Variants in BPTF observed in about 807,000 individuals in gnomAD.
The protein encoded by BPTF is nucleosome-remodeling factor subunit BPTF.
In BPTF, 18 loss-of-function variants were observed where a neutral mutation model predicts 292.5. That is an observed-to-expected ratio of 0.06 (90% CI 0.04 to 0.09). BPTF has a LOEUF of 0.09. Ranked by LOEUF, BPTF falls within the 10% of genes least tolerant of loss-of-function variation. The pLI is 1.00. For synonymous variants in BPTF, 1,225 were observed against 1,251.9 expected (o/e 0.98, Z 0.45); for missense variants, 2,726 against 3,498.7 (o/e 0.78, Z 5.57).
chr17:67,917,131 C>CTTTTCCTTTCTTTTTTTTTT lies in BPTF; in HGVS notation c.5304-1579_5304-1578insCCTTTCTTTTTTTTTTTTTT, dbSNP rs1194058584. On this transcript the variant is annotated intron_variant, in intron 11 of 27. Transcript: ENST00000306378. The stretch of plus-strand genomic sequence containing the variant: ...GATAAGTAACTAATATGGTATTGTC[C>CTTTTCCTTTCTTTTTTTTTT]TTTTTTTTTTTTTTTTTTTGAGATA... Among the ~76,000 whole-genome samples the CTTTTCCTTTCTTTTTTTTTT allele has an allele frequency of 1.1e-4, 12 of 105,802 alleles. 1 individual carries two copies. The highest frequency in any genetic ancestry group is 4.3e-4 in the African/African-American group (12 of 27,608). The allele number at this position is 105,802 out of a possible 152,430, so 69.4% of individuals were successfully genotyped here. A position where few individuals can be genotyped will look rare whatever the true frequency, so the allele number is the denominator to read the frequency against.
chr17:67,897,341 CAAAAAAAAAAAAAA>C (rs750678904), intron 7 of BPTF, among the ~76,000 whole-genome samples: 20 of 17,768 alleles, frequency 1.1e-3, no homozygotes, highest in African/African-American at 1.8e-3. Context: ...AACTCTGTCT[CAAAAAAAAAAAAAA>C]AAAAAAAAAA....
At chr17:67,855,636 C>G (rs963649024) in intron 2 of BPTF, among the ~76,000 whole-genome samples, 5 of 152,154 alleles carry the variant, frequency 3.3e-5, no homozygotes, top group Non-Finnish European at 5.9e-5. Flanking sequence ...GAGACAGTCT[C>G]AGGGTTTACC....
chr17:67,973,446 G>A (rs951257034), intron 26 of BPTF, among the ~76,000 whole-genome samples: 5 of 151,908 alleles, frequency 3.3e-5, no homozygotes, highest in African/African-American at 4.8e-5. Flanking sequence ...AATTATCTTG[G>A]CATATAATGA....
intron 18 of BPTF, among the ~76,000 whole-genome samples, chr17:67,938,796 G>T (rs942176924): frequency 6.6e-6 from 1 of 152,128 alleles, no homozygotes; most frequent in Admixed American, 6.5e-5. Context: ...AAATAAAAAC[G>T]TAGATGGCAA....
chr17:67,932,440 C>T (rs1399499028), intron 18 of BPTF, among the ~76,000 whole-genome samples: 1 of 152,230 alleles, frequency 6.6e-6, no homozygotes, highest in Non-Finnish European at 1.5e-5. Flanking sequence ...TGACTCTCCC[C>T]TGTAATCCCA....
chr17:67,947,690 TA>T, intron 21 of BPTF, 35 bp from the exon 22 acceptor site: 1 of 1,514,634 alleles, frequency 6.6e-7, no homozygotes, highest in Non-Finnish European at 9.0e-7. Context: ...GTGGTGATTA[TA>T]AAATATGCGC....
At chr17:67,900,276 C>A (rs1295253006) in intron 7 of BPTF, among the ~76,000 whole-genome samples, 1 of 151,420 alleles carries the variant, frequency 6.6e-6, no homozygotes, top group Non-Finnish European at 1.5e-5. Flanking sequence ...GGCTAATTTT[C>A]GTATTTTTAG....
intron 4 of BPTF, among the ~76,000 whole-genome samples, chr17:67,889,338 G>A (rs1491000700): frequency 6.6e-6 from 1 of 152,140 alleles, no homozygotes; most frequent in Non-Finnish European, 1.5e-5. Flanking sequence ...TTGACTCTGA[G>A]CAGTATTGGA....
At chr17:67,841,802 TG>T (rs1262600443) in intron 1 of BPTF, among the ~76,000 whole-genome samples, 1 of 152,202 alleles carries the variant, frequency 6.6e-6, no homozygotes, top group Non-Finnish European at 1.5e-5. Flanking sequence ...ACATTTAATA[TG>T]ATTGATAATG....
At chr17:67,878,347 T>C (rs9915108) in intron 4 of BPTF, among the ~76,000 whole-genome samples, 46,330 of 152,044 alleles carry the variant, frequency 0.3, 8,413 homozygotes, top group East Asian at 0.66. Flanking sequence ...ATAATACTAT[T>C]ATGAATATTT....
intron 27 of BPTF, chr17:67,976,175 T>C (rs1242835352): frequency 5.6e-6 from 2 of 355,352 alleles, no homozygotes; most frequent in Non-Finnish European, 9.7e-6. Flanking sequence ...AGTCTTTTTT[T>C]GAAAATTCAA....
chr17:67,855,678 G>A (rs752421122), intron 2 of BPTF, among the ~76,000 whole-genome samples: 4 of 152,134 alleles, frequency 2.6e-5, no homozygotes, highest in Non-Finnish European at 5.9e-5. Flanking sequence ...GTTATAGTGT[G>A]GACTGAGTAT....
rs369489282 is a variant in BPTF at position 67,964,767 on chromosome 17, A to G, written c.8454+363A>G. On this transcript the variant is annotated intron_variant, in intron 25 of 27. Coordinates refer to ENST00000306378, the MANE Select transcript of BPTF (RefSeq NM_182641.4). ...TGTAATCCCAGCACTTTGGGAGGCCAAGGTGGGCGGATCACAAGGTCAGGA... is the reference window on the plus strand; with the variant it reads ...TGTAATCCCAGCACTTTGGGAGGCCGAGGTGGGCGGATCACAAGGTCAGGA... Among the ~76,000 whole-genome samples the G allele has an allele frequency of 2.4e-3, 359 of 151,326 alleles. 1 individual carries two copies. The highest frequency in any genetic ancestry group is 0.015 in the South Asian group (73 of 4,770).
chr17:67,955,615 T>G (rs1292871133), intron 23 of BPTF: 2 of 151,700 alleles, frequency 1.3e-5, no homozygotes, highest in Non-Finnish European at 2.9e-5. Flanking sequence ...CCACTTGAGC[T>G]CAGGAGTTCG....
chr17:67,901,070 G>GA (rs1157663064), intron 7 of BPTF, among the ~76,000 whole-genome samples: 1 of 151,756 alleles, frequency 6.6e-6, no homozygotes, highest in Non-Finnish European at 1.5e-5. Context: ...GCCAAAAGGG[G>GA]AAAAAATAGA....
At chr17:67,926,218 A>G (rs1021012902) in intron 15 of BPTF, among the ~76,000 whole-genome samples, 1 of 150,824 alleles carries the variant, frequency 6.6e-6, no homozygotes, top group African/African-American at 2.4e-5. Context: ...CATATTGCCC[A>G]GGCTAGTCTT....
At chr17:67,894,281 G>A in intron 7 of BPTF, 116 bp downstream of exon 7, 2 of 1,086,120 alleles carry the variant, frequency 1.8e-6, no homozygotes, top group Non-Finnish European at 2.6e-6. Context: ...TTTACTTTTG[G>A]CCTCATTTTC....
At chr17:67,955,710 C>T (rs1176225798) in intron 23 of BPTF, 1 of 151,508 alleles carries the variant, frequency 6.6e-6, no homozygotes, top group Non-Finnish European at 1.5e-5. Flanking sequence ...GCATGTAATC[C>T]CAGCTACTTG....
Position 67,928,735 on chromosome 17 carries a change from C to T in BPTF, c.5998+134C>T, listed in dbSNP as rs186990227. ...AGCCAGTTGAGCAAACAAGCTGTAA[C>T]GGTTGGTTTGTTACAAATAATGTTC... is the stretch of plus-strand genomic sequence containing the variant. On this transcript the variant is annotated intron_variant, in intron 16 of 27. Coordinates refer to ENST00000306378, the MANE Select transcript of BPTF (RefSeq NM_182641.4). 445 of 1,197,482 alleles carry T rather than the reference C, an allele frequency of 3.7e-4. 3 individuals are homozygous for T. The highest frequency in any genetic ancestry group is 9.4e-4 in the African/African-American group (61 of 64,844). 74.2% of individuals were successfully genotyped at this position (1,197,482 alleles called of 1,614,324 possible).
Sources: gnomAD v4.1 joint callset for allele counts (sites outside exome capture counted in the v4.1 genomes callset) on GRCh38, gnomAD v4.1.1 for gene constraint, MANE v1.5 for transcripts, NCBI Gene and HGNC (gene_info 2026-07-23, HGNC 2026-07-21) for gene names.